Variants in RUSC2 observed in about 807,000 individuals in gnomAD.
The protein encoded by RUSC2 is RUN and SH3 domain containing 2.
Under a neutral mutation model 122.2 loss-of-function variants are expected in RUSC2, and 34 were observed. That is an observed-to-expected ratio of 0.28 (90% CI 0.21 to 0.37). The LOEUF (loss-of-function observed/expected upper bound fraction) is 0.37, where lower values mean the gene tolerates loss of function less well. RUSC2 is among the 10% of genes least tolerant of loss of function. The pLI is 1.00. For synonymous variants in RUSC2, 784 were observed against 790.0 expected (o/e 0.99, Z 0.13); for missense variants, 1,747 against 1,952.4 (o/e 0.89, Z 1.98).
intron 1 of RUSC2, among the ~76,000 whole-genome samples, chr9:35,542,399 A>G (rs1164177849): frequency 1.3e-5 from 2 of 152,230 alleles, no homozygotes; most frequent in Non-Finnish European, 2.9e-5. Context: ...TTAACCATAG[A>G]GAAACAAACT....
At chr9:35,544,307 C>CTTTTTTT (rs55870659) in intron 1 of RUSC2, among the ~76,000 whole-genome samples, 13 of 113,114 alleles carry the variant, frequency 1.1e-4, no homozygotes, top group African/African-American at 2.4e-4. Flanking sequence ...GATCATATGT[C>CTTTTTTT]TTTTTTTTTT....
Position 35,548,700 on chromosome 9 carries a change from G to GA in RUSC2, c.2014+167dup. 1 of 985,288 alleles carries GA rather than the reference G, an allele frequency of 1.0e-6. No homozygotes were observed. Among genetic ancestry groups the GA allele is most frequent in the Non-Finnish European group, 1.2e-6 (1 of 829,918 alleles). The allele number at this position is 985,288 out of a possible 1,614,324, so 61.0% of individuals were successfully genotyped here. On this transcript the variant is annotated intron_variant, in intron 2 of 11. Transcript: ENST00000361226. This position sits in a 1 kb window ranked among gnomAD's most constrained non-coding sequence, Gnocchi z 4.5. ...CAGGGCAGGACCCACAGCTACAGTG[G>GA]AATAGGCTCACTGGAGAAAGACAGA...
At chr9:35,515,536 A>G (rs1156349093) in intron 1 of RUSC2, among the ~76,000 whole-genome samples, 1 of 152,176 alleles carries the variant, frequency 6.6e-6, no homozygotes, top group Non-Finnish European at 1.5e-5. Flanking sequence ...ATATTATAGT[A>G]GAAAGAGCAA....
At chr9:35,545,773 C>A (rs1381325937) in intron 1 of RUSC2, among the ~76,000 whole-genome samples, 1 of 152,170 alleles carries the variant, frequency 6.6e-6, no homozygotes, top group Non-Finnish European at 1.5e-5. Context: ...TAATGCCCAA[C>A]TCAGTGTCTG....
Position 35,555,179 on chromosome 9 carries a change from G to A in RUSC2, c.2134G>A (p.Ala712Thr). The stretch of plus-strand genomic sequence containing the variant: ...CCCCAAGCAGCTGGCCAAGGCCCGG[G>A]CCCTCCACAGCCTTTCCCAGCTCTA... ...HFPKQLAKAR[A>T]LHSLSQLYSL... The change falls in exon 3 of 12, where the codon GCC (alanine) becomes ACC (threonine). Residue 712 changes from alanine to threonine, a missense_variant. By Grantham distance (58) the Ala-to-Thr change is moderately conservative. Coordinates refer to ENST00000361226, the MANE Select transcript of RUSC2 (RefSeq NM_014806.5). This position sits in a 1 kb window ranked among gnomAD's most constrained non-coding sequence, Gnocchi z 4.6. The A allele has an allele frequency of 6.2e-7, 1 of 1,613,530 alleles. No homozygotes were observed. Among genetic ancestry groups the A allele is most frequent in the Non-Finnish European group, 8.5e-7 (1 of 1,180,014 alleles).
At chr9:35,529,521 G>A (rs899354386) in intron 1 of RUSC2, among the ~76,000 whole-genome samples, 1 of 149,206 alleles carries the variant, frequency 6.7e-6, no homozygotes, top group African/African-American at 2.5e-5. Flanking sequence ...AAAACCTATT[G>A]ACATACTAGA....
At chr9:35,518,684 A>G (rs1481978189) in intron 1 of RUSC2, among the ~76,000 whole-genome samples, 1 of 152,180 alleles carries the variant, frequency 6.6e-6, no homozygotes, top group Non-Finnish European at 1.5e-5. Flanking sequence ...TCTAGGAAAA[A>G]ATCTCTGGTG....
In RUSC2 at chr9:35,547,168, G is replaced by A; in HGVS notation, c.647G>A (p.Gly216Glu). Residue 216 changes from glycine (G) to glutamate (E), a missense_variant, in exon 2 of 12, where the codon GGA becomes GAA. Physicochemically the swap from Gly to Glu is moderately conservative, Grantham distance 98. Coordinates refer to ENST00000361226, the MANE Select transcript of RUSC2 (RefSeq NM_014806.5). This position sits in a 1 kb window ranked among gnomAD's most constrained non-coding sequence, Gnocchi z 4.6. Reference protein sequence around the residue: ...GGPGGSGSGGGASDTSGFSFD... With the variant: ...GGPGGSGSGGEASDTSGFSFD... ...CCTGGTGGGAGTGGCAGTGGGGGTG[G>A]AGCCAGCGATACCTCTGGCTTTTCC... is the stretch of plus-strand genomic sequence containing the variant. The A allele has an allele frequency of 1.9e-6, 3 of 1,614,180 alleles. No homozygotes were observed. The highest frequency in any genetic ancestry group is 2.5e-6 in the Non-Finnish European group (3 of 1,180,036).
intron 1 of RUSC2, among the ~76,000 whole-genome samples, chr9:35,514,238 A>G (rs1011395437): frequency 2.0e-5 from 3 of 152,078 alleles, no homozygotes; most frequent in African/African-American, 7.2e-5. Context: ...AGAAAATACA[A>G]CCAGTAGCCT....
intron 1 of RUSC2, among the ~76,000 whole-genome samples, chr9:35,525,614 C>CA (rs763365923): frequency 6.6e-6 from 1 of 152,012 alleles, no homozygotes; most frequent in Non-Finnish European, 1.5e-5. Flanking sequence ...AGCTGGCCTA[C>CA]ACGGCAAAAC....
chr9:35,558,030 G>T lies in RUSC2; in HGVS notation c.3060+40G>T, dbSNP rs767241530. ...GTGGAGAGCTGAGCTCTGCCTGCAA[G>T]CCCTCACCTGTCCCGCGCTACCACC... is the stretch of plus-strand genomic sequence containing the variant. On this transcript the variant is annotated intron_variant, in intron 6 of 11. Transcript: ENST00000361226. The surrounding 1 kb of genome is among the most constrained non-coding windows in gnomAD (Gnocchi z 4.3). The T allele has an allele frequency of 6.3e-7, 1 of 1,596,608 alleles. No individual in the cohort carries two copies. Among genetic ancestry groups the T allele is most frequent in the South Asian group, 1.1e-5 (1 of 90,700 alleles).
chr9:35,507,142 T>C (rs916864577), intron 1 of RUSC2, among the ~76,000 whole-genome samples: 1 of 152,036 alleles, frequency 6.6e-6, no homozygotes, highest in Admixed American at 6.6e-5. Flanking sequence ...ATAAGAATAA[T>C]CACAAAATAA....
Position 35,548,177 on chromosome 9 carries a change from G to T in RUSC2, c.1656G>T (p.Lys552Asn). The change falls in exon 2 of 12, where the codon AAG becomes AAT. Residue 552 changes from lysine (K) to asparagine (N), a missense_variant. Lys to Asn is a moderately conservative substitution (Grantham distance 94). Transcript: ENST00000361226. The surrounding 1 kb of genome is among the most constrained non-coding windows in gnomAD (Gnocchi z 4.5). ...TTGCCGAGCTGGCCAAGGGCCGGAA[G>T]AAAACTGGAGGCTCTGGCTCGCCCC... The part of the protein sequence containing the change: ...TSFAELAKGR[K>N]KTGGSGSPPL... 1 of 1,613,362 alleles carries T rather than the reference G, an allele frequency of 6.2e-7. No individual in the cohort carries two copies.
intron 1 of RUSC2, among the ~76,000 whole-genome samples, chr9:35,513,190 TTTGTTGTTG>T (rs147038968): frequency 2.1e-3 from 314 of 149,766 alleles, no homozygotes; most frequent in African/African-American, 3.7e-3. Context: ...TATACTTTGT[TTTGTTGTTG>T]TTGTTGTTGT....
Position 35,547,193 on chromosome 9 carries a change from C to T in RUSC2, c.672C>T (p.Ser224=), listed in dbSNP as rs1821768433. Residue 224 remains serine, a synonymous_variant, in exon 2 of 12, where the codon TCC becomes TCT. Transcript: ENST00000361226. The surrounding 1 kb of genome is among the most constrained non-coding windows in gnomAD (Gnocchi z 4.6). ...GAGCCAGCGATACCTCTGGCTTTTC[C>T]TTTGACCAGGAATGGAAGCTCAGTT... ...GGGASDTSGF[S]FDQEWKLSSD... is the part of the protein sequence containing the mutation. The T allele has an allele frequency of 6.2e-7, 1 of 1,614,178 alleles. No individual in the cohort carries two copies. Among genetic ancestry groups the T allele is most frequent in the Admixed American group, 1.7e-5 (1 of 60,026 alleles).
rs905521726 is a variant in RUSC2, at chr9:35,503,548, A to G, written c.-93+13376A>G. ...TGGTTCCATATTTTTGCAATTGCCA[A>G]TCGTGCTGCTATAAACGTGTGTACA... On this transcript the variant is annotated intron_variant, in intron 1 of 11. Coordinates refer to ENST00000361226, the MANE Select transcript of RUSC2 (RefSeq NM_014806.5). Among the ~76,000 whole-genome samples, 7 of 152,108 alleles carry G rather than the reference A, an allele frequency of 4.6e-5. No homozygotes were observed. In the South Asian group the frequency reaches 6.2e-4, roughly 14 times the overall value.
intron 1 of RUSC2, among the ~76,000 whole-genome samples, chr9:35,536,895 G>A (rs1241390158): frequency 2.6e-5 from 4 of 151,974 alleles, no homozygotes; most frequent in African/African-American, 4.8e-5. Flanking sequence ...GATTCTCTGG[G>A]TAATGAGAAA....
chr9:35,546,946 A>G lies in RUSC2; in HGVS notation c.425A>G (p.His142Arg). Residue 142 changes from histidine to arginine, a missense_variant, in exon 2 of 12, where the codon CAT becomes CGT. His to Arg is a conservative substitution (Grantham distance 29). Coordinates refer to ENST00000361226, the MANE Select transcript of RUSC2 (RefSeq NM_014806.5). The surrounding 1 kb of genome is among the most constrained non-coding windows in gnomAD (Gnocchi z 4.3). ...HLHGTGQPNF[H>R]LSSFQLPPSG... ...CATGGCACTGGCCAGCCCAACTTTC[A>G]TCTATCCTCTTTCCAGCTGCCACCA... is the stretch of plus-strand genomic sequence containing the variant. The G allele has an allele frequency of 1.3e-6, 2 of 1,574,982 alleles. No individual in the cohort carries two copies. Among genetic ancestry groups the G allele is most frequent in the Non-Finnish European group, 1.7e-6 (2 of 1,159,562 alleles).
Position 35,548,024 on chromosome 9 carries a change from C to T in RUSC2, c.1503C>T (p.Arg501=). 2 of 1,613,878 alleles carry T rather than the reference C, an allele frequency of 1.2e-6. No homozygotes were observed. Among genetic ancestry groups the T allele is most frequent in the Non-Finnish European group, 1.7e-6 (2 of 1,180,042 alleles). ...GTCAGCGCTCCCGCAGCTATGATCG[C>T]AGCCTGCAGCGCAGCCCTCCTGTCC... ...TGRQRSRSYD[R]SLQRSPPVRL... is the part of the protein sequence containing the mutation. The change falls in exon 2 of 12, where the codon CGC becomes CGT. Residue 501 remains arginine (R), a synonymous_variant. Transcript: ENST00000361226. This position sits in a 1 kb window ranked among gnomAD's most constrained non-coding sequence, Gnocchi z 4.5.
Sources: allele counts gnomAD v4.1 joint callset (sites outside exome capture counted in the v4.1 genomes callset), GRCh38; gene constraint gnomAD v4.1.1; non-coding constraint Gnocchi (gnomAD v3.1); transcripts MANE v1.5; gene names NCBI Gene and HGNC (gene_info 2026-07-23, HGNC 2026-07-21).